SLC35F4: variants seen among roughly 807,000 people sequenced by gnomAD.
SLC35F4 encodes the protein solute carrier family 35 member F4.
Under a neutral mutation model 44.2 loss-of-function variants are expected in SLC35F4, and 24 were observed. The ratio of observed to expected loss-of-function variants is 0.54; its 90% CI spans 0.39 to 0.76. SLC35F4 has a LOEUF of 0.76. Among genes scored for constraint, SLC35F4 ranks in the 30% least tolerant of loss-of-function variants. The pLI is 0.00. For missense variants in SLC35F4, 562 were observed against 586.1 expected, an observed-to-expected ratio of 0.96 and a Z score of 0.42; for synonymous variants, 238 against 223.6, an observed-to-expected ratio of 1.06 and a Z score of -0.57.
At chr14:57,842,773 A>T (rs1254416817) in intron 1 of SLC35F4, among the ~76,000 whole-genome samples, 1 of 152,184 alleles carries the variant, frequency 6.6e-6, no homozygotes, top group African/African-American at 2.4e-5. Context: ...GGATTGAAGG[A>T]TGCAAAGTAT....
At chr14:57,790,782 A>G (rs904038430) in intron 1 of SLC35F4, among the ~76,000 whole-genome samples, 2 of 152,032 alleles carry the variant, frequency 1.3e-5, no homozygotes, top group East Asian at 3.9e-4. Context: ...GGTACCAAAA[A>G]TGTCATATAG....
chr14:57,838,764 T>C (rs1242911352), intron 1 of SLC35F4, among the ~76,000 whole-genome samples: 2 of 152,100 alleles, frequency 1.3e-5, no homozygotes, highest in African/African-American at 2.4e-5. Context: ...TCACTTTACA[T>C]TGTGGGCCAG....
At chr14:57,600,565 G>A (rs568456448) in intron 1 of SLC35F4, among the ~76,000 whole-genome samples, 10 of 146,072 alleles carry the variant, frequency 6.8e-5, no homozygotes, top group Middle Eastern at 3.5e-3. Flanking sequence ...AGTGGCGGGC[G>A]CCTGTAGTCC....
intron 1 of SLC35F4, among the ~76,000 whole-genome samples, chr14:57,961,182 C>A (rs1318339998): frequency 3.3e-5 from 5 of 152,142 alleles, no homozygotes; most frequent in Admixed American, 2.0e-4. Flanking sequence ...CTCAGCCGTG[C>A]GCACCCGTCT....
intron 1 of SLC35F4, among the ~76,000 whole-genome samples, chr14:57,719,755 A>G (rs1479014694): frequency 6.6e-6 from 1 of 152,190 alleles, no homozygotes; most frequent in Non-Finnish European, 1.5e-5. Flanking sequence ...TAGCATCTGC[A>G]AACAATGATA....
intron 1 of SLC35F4, among the ~76,000 whole-genome samples, chr14:57,789,486 A>G (rs1035900918): frequency 2.0e-5 from 3 of 152,202 alleles, no homozygotes; most frequent in African/African-American, 7.2e-5. Context: ...ACAAGTTCTG[A>G]AATTGAGGCA....
chr14:57,814,331 A>G (rs1882327708), intron 1 of SLC35F4, among the ~76,000 whole-genome samples: 1 of 152,244 alleles, frequency 6.6e-6, no homozygotes, highest in Non-Finnish European at 1.5e-5. Context: ...AGGCAATGGC[A>G]TCAGTTTCTC....
intron 1 of SLC35F4, among the ~76,000 whole-genome samples, chr14:57,805,877 A>C (rs915934515): frequency 9.2e-5 from 14 of 152,370 alleles, no homozygotes; most frequent in African/African-American, 3.4e-4. Flanking sequence ...AGTAGTATCC[A>C]AAGTAAGGTC....
intron 1 of SLC35F4, chr14:57,604,092 A>G (rs1336686691): frequency 1.3e-5 from 2 of 152,202 alleles, no homozygotes; most frequent in Admixed American, 1.3e-4. Flanking sequence ...CCTGGTGGCA[A>G]GTTTTCTCGT....
chr14:57,910,774 C>T (rs532950235), intron 1 of SLC35F4, among the ~76,000 whole-genome samples: 2 of 151,948 alleles, frequency 1.3e-5, no homozygotes, highest in Non-Finnish European at 2.9e-5. Context: ...GGCTCTCTTG[C>T]CTCTTCATAT....
At chr14:57,612,486 T>C (rs754566011) in intron 1 of SLC35F4, among the ~76,000 whole-genome samples, 3 of 152,194 alleles carry the variant, frequency 2.0e-5, no homozygotes, top group Non-Finnish European at 4.4e-5. Context: ...CCTTGACCAT[T>C]TTCCCTCTTC....
chr14:57,745,993 A>G (rs1474473803), intron 1 of SLC35F4, among the ~76,000 whole-genome samples: 2 of 152,108 alleles, frequency 1.3e-5, no homozygotes, highest in East Asian at 3.9e-4. Flanking sequence ...ACAAAAAACC[A>G]AACACCACAT....
At chr14:57,633,143 T>C (rs1055842867) in intron 1 of SLC35F4, among the ~76,000 whole-genome samples, 1 of 152,162 alleles carries the variant, frequency 6.6e-6, no homozygotes, top group African/African-American at 2.4e-5. Context: ...CTAGAGGATA[T>C]CTCGATTGCA....
intron 1 of SLC35F4, among the ~76,000 whole-genome samples, chr14:57,713,727 G>C (rs1470998877): frequency 1.3e-5 from 2 of 152,124 alleles, no homozygotes; most frequent in Non-Finnish European, 1.5e-5. Context: ...ATCTGACCTA[G>C]GGTACGTGCT....
At chr14:57,583,549 A>G (rs893698230) in intron 3 of SLC35F4, among the ~76,000 whole-genome samples, 10 of 152,190 alleles carry the variant, frequency 6.6e-5, no homozygotes, top group African/African-American at 2.4e-4. Context: ...CACAGGGAAG[A>G]CCAACAGATG....
chr14:57,785,568 C>G (rs2077734911), intron 1 of SLC35F4, among the ~76,000 whole-genome samples: 3 of 152,128 alleles, frequency 2.0e-5, no homozygotes, highest in Admixed American at 2.0e-4. Context: ...TCATACAGGA[C>G]CCAGGAGACA....
At chr14:57,852,333 C>G (rs563806658) in intron 1 of SLC35F4, among the ~76,000 whole-genome samples, 24 of 152,226 alleles carry the variant, frequency 1.6e-4, no homozygotes, top group Non-Finnish European at 2.9e-4. Flanking sequence ...GAGCCTGGAA[C>G]AGGAACCAGT....
At chr14:57,837,779 C>T (rs1320992778) in intron 1 of SLC35F4, 1 of 152,210 alleles carries the variant, frequency 6.6e-6, no homozygotes, top group Non-Finnish European at 1.5e-5. Flanking sequence ...CTCATAAGCA[C>T]TCTTTTCTGT....
At chr14:57,933,683 G>T (rs553515503) in intron 1 of SLC35F4, among the ~76,000 whole-genome samples, 2 of 152,196 alleles carry the variant, frequency 1.3e-5, no homozygotes, top group Non-Finnish European at 2.9e-5. Context: ...AATCAATGCA[G>T]ATGGTTTCAC....
Sources: gnomAD v4.1 joint callset for allele counts (sites outside exome capture counted in the v4.1 genomes callset) on GRCh38, gnomAD v4.1.1 for gene constraint, MANE v1.5 for transcripts, NCBI Gene and HGNC (gene_info 2026-07-23, HGNC 2026-07-21) for gene names.